Variants in CCDC170 observed in about 807,000 individuals in gnomAD.
CCDC170 encodes the protein coiled-coil domain containing 170.
In CCDC170, 69 loss-of-function variants were observed where a neutral mutation model predicts 72.6. That is an observed-to-expected ratio of 0.95 (90% CI 0.78 to 1.16). CCDC170 has a LOEUF of 1.16. Ranked by LOEUF, CCDC170 falls within the 50% of genes most tolerant of loss-of-function variation. The pLI, the probability that CCDC170 is intolerant of heterozygous loss-of-function variation, is 0.00. For missense variants in CCDC170, 852 were observed against 832.5 expected (o/e 1.02, Z -0.29); for synonymous variants, 300 against 303.9 (o/e 0.99, Z 0.13).
chr6:151,511,502 G>T (rs79010256), intron 1 of CCDC170, among the ~76,000 whole-genome samples: 13,016 of 152,046 alleles, frequency 0.086, 662 homozygotes, highest in Middle Eastern at 0.16. Context: ...ATATTTATGG[G>T]GTGTTCATTA....
At chr6:151,540,512 A>C (rs971736668) in intron 3 of CCDC170, among the ~76,000 whole-genome samples, 1 of 148,522 alleles carries the variant, frequency 6.7e-6, no homozygotes, top group Non-Finnish European at 1.5e-5. Flanking sequence ...CAGCCTCCCA[A>C]GTAGCTGGGA....
intron 7 of CCDC170, among the ~76,000 whole-genome samples, 188 bp downstream of exon 7, chr6:151,586,277 A>G (rs57603523): frequency 0.04 from 6,035 of 152,310 alleles, 214 homozygotes; most frequent in East Asian, 0.21. Flanking sequence ...CTCAACGAGT[A>G]TTTATTGAAT....
At chr6:151,502,903 C>A (rs187086497) in intron 1 of CCDC170, among the ~76,000 whole-genome samples, 2 of 152,310 alleles carry the variant, frequency 1.3e-5, no homozygotes, top group East Asian at 3.9e-4. Context: ...GGTGCGGTGG[C>A]TCACGCCTGT....
At chr6:151,603,046 C>A (rs954028158) in intron 9 of CCDC170, among the ~76,000 whole-genome samples, 1 of 152,102 alleles carries the variant, frequency 6.6e-6, no homozygotes, top group African/African-American at 2.4e-5. Flanking sequence ...GGTGATCCAC[C>A]CTCCTCGGCC....
At chr6:151,573,141 T>C (rs759403822) in intron 5 of CCDC170, 33 bp from the exon 6 acceptor site, 1 of 1,574,388 alleles carries the variant, frequency 6.4e-7, no homozygotes, top group African/African-American at 1.4e-5. Context: ...TGACTTCTAA[T>C]GGTATTGTCT....
At chr6:151,565,121 G>T (rs1252465967) in intron 5 of CCDC170, among the ~76,000 whole-genome samples, 1 of 152,174 alleles carries the variant, frequency 6.6e-6, no homozygotes, top group African/African-American at 2.4e-5. Context: ...CTTGGCTTTG[G>T]CCCTGGCAGC....
intron 1 of CCDC170, among the ~76,000 whole-genome samples, chr6:151,511,873 T>A (rs570106320): frequency 2.6e-5 from 4 of 152,260 alleles, no homozygotes; most frequent in African/African-American, 9.6e-5. Context: ...TGAGACAGGG[T>A]CTCAGTCTCT....
intron 9 of CCDC170, among the ~76,000 whole-genome samples, chr6:151,613,453 ATG>A (rs1188015870): frequency 2.6e-5 from 4 of 152,198 alleles, no homozygotes; most frequent in African/African-American, 9.6e-5. Flanking sequence ...TATATAGCAA[ATG>A]GCACCACTAT....
chr6:151,516,638 A>G (rs566973914), intron 1 of CCDC170, among the ~76,000 whole-genome samples: 1 of 152,266 alleles, frequency 6.6e-6, no homozygotes, highest in South Asian at 2.1e-4. Flanking sequence ...AGAAAGAGAA[A>G]GAAGAACAGC....
At chr6:151,532,721 A>C (rs1429191383) in intron 1 of CCDC170, among the ~76,000 whole-genome samples, 4 of 152,246 alleles carry the variant, frequency 2.6e-5, no homozygotes, top group African/African-American at 9.6e-5. Context: ...TTATTTATAA[A>C]ATTAACATGA....
chr6:151,591,470 G>C (rs1011919661), intron 7 of CCDC170, among the ~76,000 whole-genome samples: 1 of 150,204 alleles, frequency 6.7e-6, no homozygotes, highest in Non-Finnish European at 1.5e-5. Context: ...TTAGGGGGGA[G>C]GTGTTCATTT....
At chr6:151,530,648 G>A (rs6904315) in intron 1 of CCDC170, among the ~76,000 whole-genome samples, 1,524 of 152,062 alleles carry the variant, frequency 0.01, 30 homozygotes, top group African/African-American at 0.034. Context: ...CACCATGTTG[G>A]TCAGGCTGGT....
At chr6:151,580,894 G>A (rs1004057999) in intron 6 of CCDC170, among the ~76,000 whole-genome samples, 2 of 152,262 alleles carry the variant, frequency 1.3e-5, no homozygotes, top group South Asian at 4.1e-4. Context: ...TGGTTTCTCA[G>A]TGCATATAAA....
chr6:151,563,404 T>G (rs1442754475), intron 5 of CCDC170, among the ~76,000 whole-genome samples: 2 of 152,192 alleles, frequency 1.3e-5, no homozygotes, highest in Non-Finnish European at 2.9e-5. Flanking sequence ...CAACAGGGAC[T>G]TGGTGGGCTG....
chr6:151,581,616 T>A (rs1366005135), intron 6 of CCDC170, among the ~76,000 whole-genome samples: 2 of 152,242 alleles, frequency 1.3e-5, no homozygotes, highest in Non-Finnish European at 2.9e-5. Flanking sequence ...CTTAATGGTA[T>A]CAAGAGTAGT....
intron 1 of CCDC170, among the ~76,000 whole-genome samples, chr6:151,502,320 A>G (rs909541984): frequency 3.3e-5 from 5 of 152,226 alleles, no homozygotes; most frequent in Non-Finnish European, 7.3e-5. Flanking sequence ...ATCAATAAAT[A>G]TCTGAGTTCC....
chr6:151,511,963 C>T (rs1782156624), intron 1 of CCDC170, among the ~76,000 whole-genome samples: 1 of 152,100 alleles, frequency 6.6e-6, no homozygotes, highest in South Asian at 2.1e-4. Context: ...TCTCCCACCT[C>T]AGCCTCCTGA....
chr6:151,552,548 A>G (rs1204752893), intron 5 of CCDC170, among the ~76,000 whole-genome samples: 2 of 152,080 alleles, frequency 1.3e-5, no homozygotes, highest in Non-Finnish European at 2.9e-5. Context: ...TTTCAATTCT[A>G]TGGACACATG....
At chr6:151,547,364 G>T (rs1023609523) in intron 4 of CCDC170, among the ~76,000 whole-genome samples, 1 of 152,144 alleles carries the variant, frequency 6.6e-6, no homozygotes, top group Non-Finnish European at 1.5e-5. Context: ...TGCTCCACAT[G>T]GTGAAAGGTG....
Sources: allele counts gnomAD v4.1 joint callset (sites outside exome capture counted in the v4.1 genomes callset), GRCh38; gene constraint gnomAD v4.1.1; transcripts MANE v1.5; gene names NCBI Gene and HGNC (gene_info 2026-07-23, HGNC 2026-07-21).